Variants in CD244 observed in about 807,000 individuals in gnomAD.
CD244 encodes natural killer cell receptor 2B4.
In CD244, 20 loss-of-function variants were observed where a neutral mutation model predicts 45.5. The ratio of observed to expected loss-of-function variants is 0.44; its 90% CI spans 0.31 to 0.64. The LOEUF is 0.64. CD244 is among the 30% of genes least tolerant of loss of function. CD244 has a pLI of 0.08. For synonymous variants in CD244, 185 were observed against 160.5 expected (o/e 1.15, Z -1.15); for missense variants, 407 against 426.9 (o/e 0.95, Z 0.41).
intron 6 of CD244, among the ~76,000 whole-genome samples, chr1:160,834,429 C>T (rs974278481): frequency 1.3e-5 from 2 of 152,184 alleles, no homozygotes; most frequent in African/African-American, 4.8e-5. Context: ...GATCTTGGCT[C>T]ACCGCAACCT....
At position 160,852,798 on chromosome 1, in the gene CD244, G is replaced by A. The variant is rs936229616; in HGVS notation, c.61+9819C>T. ...AGCACTTTGGGAGGTCGAGGCAGGC[G>A]GATCACCTGAGGTCAGGAGTTTGAG... is the stretch of plus-strand genomic sequence containing the variant. On this transcript the variant is annotated intron_variant, in intron 1 of 8. Coordinates refer to ENST00000368034, the MANE Select transcript of CD244 (RefSeq NM_016382.4). Among the ~76,000 whole-genome samples, 10 of 151,918 alleles carry A rather than the reference G, an allele frequency of 6.6e-5. No individual in the cohort carries two copies. In the East Asian group the frequency reaches 7.8e-4, roughly 12 times the overall value.
intron 1 of CD244, chr1:160,848,066 G>A: frequency 2.7e-6 from 1 of 365,626 alleles, no homozygotes; most frequent in Admixed American, 3.7e-5. Flanking sequence ...CTTGGACCGT[G>A]TCTCCTTGGA....
chr1:160,846,107 A>G (rs530778438), intron 1 of CD244, among the ~76,000 whole-genome samples: 3 of 152,150 alleles, frequency 2.0e-5, no homozygotes, highest in Admixed American at 6.5e-5. Context: ...GTTTGGTTAC[A>G]AGAGAAAGTT....
intron 1 of CD244, among the ~76,000 whole-genome samples, chr1:160,844,458 T>C (rs1669658652): frequency 6.6e-6 from 1 of 152,208 alleles, no homozygotes. Flanking sequence ...AGAAATGGGG[T>C]TCATTTCCCT....
intron 1 of CD244, among the ~76,000 whole-genome samples, chr1:160,860,157 G>A (rs1026016351): frequency 3.3e-5 from 5 of 152,078 alleles, no homozygotes; most frequent in African/African-American, 7.2e-5. Context: ...GCAGTGAGCC[G>A]AGATTGGACC....
At chr1:160,838,636 G>A (rs572536734) in intron 4 of CD244, 118 bp from the exon 5 acceptor site, 1 of 780,880 alleles carries the variant, frequency 1.3e-6, no homozygotes, top group African/African-American at 1.7e-5. Context: ...CTAGAAAGGA[G>A]GCAAGTTAAT....
At position 160,841,826 on chromosome 1, in the gene CD244, G is replaced by A. The variant is rs573269458; in HGVS notation, c.137C>T (p.Thr46Met). 64 of 1,614,102 alleles carry A rather than the reference G, an allele frequency of 4.0e-5. No homozygotes were observed. Among genetic ancestry groups the A allele is most frequent in the African/African-American group, 1.1e-4 (8 of 75,024 alleles). ...PLQLQPNSIQ[T>M]KVDSIAWKKL... ...CTTCCATGCAATGCTGTCAACCTTC[G>A]TCTGTATGCTGTTTGGTTGTAACTG... The change falls in exon 2 of 9, where the codon ACG (threonine) becomes ATG (methionine). Residue 46 changes from threonine to methionine, a missense_variant. Coordinates refer to ENST00000368034, the MANE Select transcript of CD244 (RefSeq NM_016382.4).
At chr1:160,857,300 C>T (rs772955311) in intron 1 of CD244, among the ~76,000 whole-genome samples, 8 of 152,066 alleles carry the variant, frequency 5.3e-5, no homozygotes, top group Non-Finnish European at 1.2e-4. Context: ...ATGGTTCTGC[C>T]CCTAGAGATA....
At chr1:160,852,149 T>C (rs1669940288) in intron 1 of CD244, among the ~76,000 whole-genome samples, 1 of 152,196 alleles carries the variant, frequency 6.6e-6, no homozygotes, top group Non-Finnish European at 1.5e-5. Flanking sequence ...GCAGGCACTT[T>C]AGGAAAGAGA....
In CD244 at chr1:160,831,378, T is replaced by C. The variant is rs757930888; in HGVS notation, c.1067A>G (p.Lys356Arg). Residue 356 changes from lysine to arginine, a missense_variant, in exon 9 of 9, where the codon AAA becomes AGA. Physicochemically the swap from Lys to Arg is conservative, Grantham distance 26. Coordinates refer to ENST00000368034, the MANE Select transcript of CD244 (RefSeq NM_016382.4). ...ATAAACATCAAAGTTCTCCAGCTCTTTGCGGCTCAATCGAGCAGGGTTCTG... is the reference window on the plus strand; with the variant it reads ...ATAAACATCAAAGTTCTCCAGCTCTCTGCGGCTCAATCGAGCAGGGTTCTG... Reference protein sequence around the residue: ...KAQNPARLSRKELENFDVYS With the variant: ...KAQNPARLSRRELENFDVYS 5.0e-6 allele frequency: 8 copies of C among 1,614,028 alleles called. No individual in the cohort carries two copies. In the South Asian group the frequency reaches 8.8e-5, roughly 18 times the overall value.
chr1:160,859,712 C>T (rs567147619), intron 1 of CD244, among the ~76,000 whole-genome samples: 52 of 149,364 alleles, frequency 3.5e-4, no homozygotes, highest in African/African-American at 1.2e-3. Flanking sequence ...TTCAAGACCA[C>T]CCTGGGCAAC....
chr1:160,843,618 G>T (rs6696695), intron 1 of CD244, among the ~76,000 whole-genome samples: 12,560 of 152,116 alleles, frequency 0.083, 1,516 homozygotes, highest in African/African-American at 0.27. Context: ...AAAAATCATC[G>T]AAGGAATTCT....
intron 1 of CD244, among the ~76,000 whole-genome samples, chr1:160,861,382 C>T (rs762655731): frequency 2.0e-5 from 3 of 152,214 alleles, no homozygotes; most frequent in Admixed American, 6.5e-5. Context: ...AATTGAGTAC[C>T]TGGGCATGGG....
chr1:160,855,696 C>T (rs1475322934), intron 1 of CD244, among the ~76,000 whole-genome samples: 1 of 152,220 alleles, frequency 6.6e-6, no homozygotes, highest in Non-Finnish European at 1.5e-5. Flanking sequence ...CCCCGGGCCC[C>T]TGCCACTGCT....
chr1:160,838,668 G>A (rs1345095666), intron 4 of CD244, 150 bp from the exon 5 acceptor site: 18 of 664,110 alleles, frequency 2.7e-5, no homozygotes, highest in South Asian at 1.2e-4. Flanking sequence ...GAACCCCAAA[G>A]AGCACAGAGG....
chr1:160,847,197 A>C (rs1176186279), intron 1 of CD244, among the ~76,000 whole-genome samples: 2 of 152,124 alleles, frequency 1.3e-5, no homozygotes, highest in Non-Finnish European at 2.9e-5. Context: ...ACAAGTTTAA[A>C]ATATATAAAA....
intron 3 of CD244, among the ~76,000 whole-genome samples, chr1:160,840,376 C>T (rs1271241690): frequency 6.6e-6 from 1 of 152,148 alleles, no homozygotes; most frequent in East Asian, 1.9e-4. Flanking sequence ...ATTCTCCTGC[C>T]TCAGCCTCCT....
At chr1:160,835,471 G>A (rs1669301340) in intron 6 of CD244, among the ~76,000 whole-genome samples, 1 of 152,130 alleles carries the variant, frequency 6.6e-6, no homozygotes, top group Non-Finnish European at 1.5e-5. Flanking sequence ...ATACAGCTGG[G>A]TGCAGTGGTA....
chr1:160,836,456 G>A (rs1444519385), intron 5 of CD244, among the ~76,000 whole-genome samples: 5 of 152,170 alleles, frequency 3.3e-5, no homozygotes, highest in Admixed American at 3.3e-4. Context: ...TTAGTATCAG[G>A]AGCAAGGAAC....
Sources: allele counts gnomAD v4.1 joint callset (sites outside exome capture counted in the v4.1 genomes callset), GRCh38; gene constraint gnomAD v4.1.1; transcripts MANE v1.5; gene names NCBI Gene and HGNC (gene_info 2026-07-23, HGNC 2026-07-21).